Variants in ESRRG observed in about 807,000 individuals in gnomAD.
ESRRG encodes estrogen-related receptor gamma.
Under a neutral mutation model 44.0 loss-of-function variants are expected in ESRRG, and 13 were observed. That is an observed-to-expected ratio of 0.30 (90% CI 0.19 to 0.47). ESRRG has a LOEUF of 0.47. ESRRG is among the 20% of genes least tolerant of loss of function. The pLI is 1.00. For missense variants in ESRRG, 395 were observed against 580.6 expected (o/e 0.68, Z 3.29); for synonymous variants, 215 against 214.6 (o/e 1.00, Z -0.02).
intron 2 of ESRRG, among the ~76,000 whole-genome samples, chr1:216,922,549 C>T (rs531989221): frequency 6.6e-6 from 1 of 152,282 alleles, no homozygotes; most frequent in East Asian, 1.9e-4. Context: ...AGAATTACTG[C>T]AGCAAGAAGG....
intron 1 of ESRRG, among the ~76,000 whole-genome samples, chr1:217,053,489 GAA>G (rs2086512873): frequency 6.6e-6 from 1 of 150,458 alleles, no homozygotes; most frequent in East Asian, 1.9e-4. Context: ...AAGAAAGAAA[GAA>G]AGAAAGAAAT....
intron 2 of ESRRG, among the ~76,000 whole-genome samples, chr1:216,902,369 A>C (rs1255696875): frequency 2.6e-5 from 4 of 152,006 alleles, no homozygotes. Flanking sequence ...GGTGCCTATA[A>C]TCCTAGCTAC....
intron 1 of ESRRG, among the ~76,000 whole-genome samples, chr1:216,696,482 C>A (rs977434540): frequency 4.6e-5 from 7 of 151,690 alleles, no homozygotes; most frequent in African/African-American, 1.7e-4. Context: ...AAACTGTGAC[C>A]AAATTAAAAT....
intron 3 of ESRRG, among the ~76,000 whole-genome samples, chr1:216,598,612 C>A (rs2058760852): frequency 6.6e-6 from 1 of 152,062 alleles, no homozygotes; most frequent in South Asian, 2.1e-4. Context: ...TCTTTGTTTT[C>A]TTGGGAAGGG....
intron 3 of ESRRG, among the ~76,000 whole-genome samples, chr1:216,635,227 G>A (rs887865626): frequency 1.3e-5 from 2 of 152,200 alleles, no homozygotes; most frequent in Admixed American, 1.3e-4. Context: ...AGAGAAGAGA[G>A]GGAAACAATT....
At chr1:217,078,479 G>C (rs972150387) in intron 1 of ESRRG, 1 of 152,210 alleles carries the variant, frequency 6.6e-6, no homozygotes, top group South Asian at 2.1e-4. Flanking sequence ...AGCAACCTTT[G>C]ACAACTTCAC....
At chr1:216,737,038 T>A (rs2090040981) in intron 2 of ESRRG, among the ~76,000 whole-genome samples, 1 of 152,202 alleles carries the variant, frequency 6.6e-6, no homozygotes, top group Non-Finnish European at 1.5e-5. Context: ...GTCTTAAAAA[T>A]CAAATCCTGC....
At chr1:216,546,325 T>C (rs1263145534) in intron 5 of ESRRG, among the ~76,000 whole-genome samples, 1 of 152,082 alleles carries the variant, frequency 6.6e-6, no homozygotes, top group East Asian at 1.9e-4. Context: ...AATAACGGTA[T>C]CAAAAAAGCT....
intron 4 of ESRRG, among the ~76,000 whole-genome samples, chr1:216,566,768 C>A (rs1279375763): frequency 1.3e-5 from 2 of 152,140 alleles, no homozygotes; most frequent in Non-Finnish European, 2.9e-5. Flanking sequence ...ACAGCTTATG[C>A]AGGCTGAGGA....
intron 2 of ESRRG, among the ~76,000 whole-genome samples, chr1:216,787,599 CAAAAAA>C (rs34433548): frequency 9.2e-5 from 7 of 76,446 alleles, no homozygotes; most frequent in South Asian, 5.3e-4. Flanking sequence ...AAGACTCCAT[CAAAAAA>C]AAAAAAAAAA....
upstream of ESRRG, among the ~76,000 whole-genome samples, chr1:216,724,798 G>T (rs1454988442): frequency 6.6e-6 from 1 of 151,950 alleles, no homozygotes; most frequent in African/African-American, 2.4e-5. Context: ...TTAATCTACA[G>T]GATTTTTTTA....
intron 3 of ESRRG, among the ~76,000 whole-genome samples, chr1:216,592,685 AGATGGTGTTTCTCCATC>A (rs1472902851): frequency 6.6e-6 from 1 of 152,050 alleles, no homozygotes; most frequent in African/African-American, 2.4e-5. Flanking sequence ...TTTTTAGTAG[AGATGGTGTTTCTCCATC>A]TTGGCCTGGC....
intron 5 of ESRRG, among the ~76,000 whole-genome samples, chr1:216,527,822 T>A (rs947155311): frequency 6.6e-6 from 1 of 152,150 alleles, no homozygotes; most frequent in Non-Finnish European, 1.5e-5. Context: ...GATGAAGACA[T>A]AAGCAGGAGA....
chr1:217,053,273 G>A (rs1444835074), intron 1 of ESRRG, among the ~76,000 whole-genome samples: 1 of 151,734 alleles, frequency 6.6e-6, no homozygotes, highest in African/African-American at 2.4e-5. Flanking sequence ...TGGCCAACAT[G>A]GTGAAACCCC....
chr1:216,912,237 A>AGGG (rs2060537776), intron 2 of ESRRG, among the ~76,000 whole-genome samples: 1 of 42,028 alleles, frequency 2.4e-5, no homozygotes, highest in Non-Finnish European at 4.7e-5. Context: ...AGAGGAGAGG[A>AGGG]GAGGAGAGGA....
rs186742710 is a variant in ESRRG at position 216,967,004 on chromosome 1, C to A, written c.-105-27331G>T. 1.1e-4 allele frequency among the ~76,000 whole-genome samples: 17 copies of A among 152,274 alleles called. No homozygotes were observed. In the East Asian group the frequency reaches 3.1e-3, roughly 28 times the overall value. On this transcript the variant is annotated intron_variant, in intron 1 of 7. Transcript: ENST00000359162. ...TGTGTACACATCCATTTGAACTGGA[C>A]TACCTGAGTTTCCTAAACAAGAGCT...
chr1:216,945,362 C>T (rs779629395), intron 1 of ESRRG, among the ~76,000 whole-genome samples: 1 of 152,064 alleles, frequency 6.6e-6, no homozygotes, highest in African/African-American at 2.4e-5. Context: ...TAACATGATG[C>T]TTCCTTTGTT....
chr1:216,999,790 C>T (rs1191857650), intron 1 of ESRRG, among the ~76,000 whole-genome samples: 1 of 152,126 alleles, frequency 6.6e-6, no homozygotes, highest in African/African-American at 2.4e-5. Context: ...CAGATTGATT[C>T]TGAGATAAAC....
intron 3 of ESRRG, among the ~76,000 whole-genome samples, chr1:216,628,052 T>C (rs1484791040): frequency 6.6e-6 from 1 of 152,220 alleles, no homozygotes; most frequent in Non-Finnish European, 1.5e-5. Flanking sequence ...CTTGATGGTG[T>C]ACTTTCTTCA....
Sources: allele counts gnomAD v4.1 joint callset (sites outside exome capture counted in the v4.1 genomes callset), GRCh38; gene constraint gnomAD v4.1.1; transcripts MANE v1.5; gene names NCBI Gene and HGNC (gene_info 2026-07-23, HGNC 2026-07-21).